SGO2: variants seen among roughly 807,000 people sequenced by gnomAD.
SGO2 encodes the protein shugoshin-like 2.
SGO2 carries 68 observed loss-of-function variants against 99.5 expected under a neutral mutation model. The observed-to-expected ratio is 0.68, with a 90% CI of 0.56 to 0.84. The LOEUF (loss-of-function observed/expected upper bound fraction) is 0.84. SGO2 is among the 40% of genes least tolerant of loss of function. SGO2 has a pLI of 0.00. For missense variants in SGO2, 1,350 were observed against 1,436.7 expected, an observed-to-expected ratio of 0.94 and a Z score of 0.97; for synonymous variants, 457 against 487.1, an observed-to-expected ratio of 0.94 and a Z score of 0.81.
intron 8 of SGO2, among the ~76,000 whole-genome samples, chr2:200,579,161 A>ACATGTAACTGATGCC (rs1318338674): frequency 6.6e-6 from 1 of 152,236 alleles, no homozygotes; most frequent in African/African-American, 2.4e-5. Flanking sequence ...TTATATATGG[A>ACATGTAACTGATGCC]CATGTAACTG....
At chr2:200,553,234 CA>C (rs1240732122) in intron 5 of SGO2, among the ~76,000 whole-genome samples, 1 of 152,114 alleles carries the variant, frequency 6.6e-6, no homozygotes, top group Non-Finnish European at 1.5e-5. Flanking sequence ...ACAAGGAGTA[CA>C]ATAGCAATAT....
chr2:200,576,566 A>T (rs2033671184), intron 8 of SGO2, among the ~76,000 whole-genome samples: 1 of 152,128 alleles, frequency 6.6e-6, no homozygotes, highest in African/African-American at 2.4e-5. Flanking sequence ...ACAGCGTGAA[A>T]CTGTCTCAAA....
chr2:200,536,028 T>G, intron 3 of SGO2, 37 bp from the exon 4 acceptor site: 1 of 1,322,970 alleles, frequency 7.6e-7, no homozygotes, highest in Non-Finnish European at 1.1e-6. Flanking sequence ...TTACAAGTCT[T>G]AACTGATTAA....
In SGO2 at chr2:200,571,466, A is replaced by C; in HGVS notation, c.1120A>C (p.Lys374Gln). The C allele has an allele frequency of 6.2e-7, 1 of 1,610,484 alleles. No individual in the cohort carries two copies. Among genetic ancestry groups the C allele is most frequent in the South Asian group, 1.1e-5 (1 of 89,892 alleles). ...GGATTTAACTGCTAGTGAAGTCAGC[A>C]AAATTGTCACAGTCTCAACAGGCAT... ...DMDLTASEVS[K>Q]IVTVSTGIKK... is the part of the protein sequence containing the mutation. The change falls in exon 7 of 9, where the codon AAA becomes CAA. Residue 374 changes from lysine (K) to glutamine (Q), a missense_variant. By Grantham distance (53) the Lys-to-Gln change is moderately conservative (BLOSUM62 1). Coordinates refer to ENST00000357799, the MANE Select transcript of SGO2 (RefSeq NM_152524.6).
In SGO2 at chr2:200,572,369, A is replaced by G. The variant is rs2033463094; in HGVS notation, c.2023A>G (p.Arg675Gly). 6.2e-7 allele frequency: 1 copy of G among 1,611,234 alleles called. No individual in the cohort carries two copies. The highest frequency in any genetic ancestry group is 8.5e-7 in the Non-Finnish European group (1 of 1,177,798). ...GCTTCAAATCCCAGCTCTTTCTACT[A>G]GAGATAATGAAAATCAATGTGACTA... ...KELQIPALST[R>G]DNENQCDYRT... Residue 675 changes from arginine (R) to glycine (G), a missense_variant, in exon 7 of 9, where the codon AGA becomes GGA. Coordinates refer to ENST00000357799, the MANE Select transcript of SGO2 (RefSeq NM_152524.6).
rs2031078501 is a variant in SGO2 at position 200,526,255 on chromosome 2, A to T, written c.-3+3A>T. 1 of 152,322 alleles carries T rather than the reference A, an allele frequency of 6.6e-6. No individual in the cohort carries two copies. Among genetic ancestry groups the T allele is most frequent in the Non-Finnish European group, 1.5e-5 (1 of 68,102 alleles). 9.4% of individuals were successfully genotyped at this position (152,322 alleles called of 1,614,324 possible). A position where few individuals can be genotyped will look rare whatever the true frequency, so the allele number is the denominator to read the frequency against. On this transcript the variant is annotated splice_donor_region_variant and intron_variant, in intron 1 of 8. Transcript: ENST00000357799. This position sits in a 1 kb window ranked among gnomAD's most constrained non-coding sequence, Gnocchi z 4.8. ...GGGTGCCCCACGCTGAAAGAGAGGT[A>T]AGTTAGTGGCCTGCGGCAGTTGACG...
In SGO2 at chr2:200,569,684, T is replaced by C; in HGVS notation, c.495T>C (p.Asp165=). 6.2e-7 allele frequency: 1 copy of C among 1,607,790 alleles called. No homozygotes were observed. Among genetic ancestry groups the C allele is most frequent in the South Asian group, 1.1e-5 (1 of 89,626 alleles). Residue 165 remains aspartate, a synonymous_variant, in exon 6 of 9, where the codon GAT becomes GAC. Transcript: ENST00000357799. The part of the protein sequence containing the change: ...PFARVPLTSN[D]DEDEDKEKMQ... ...TTAGGGTTCCATTAACTTCAAATGA[T>C]GATGAAGATGAAGATAAAGAGAAAA...
At chr2:200,552,843 G>A (rs1475218102) in intron 5 of SGO2, among the ~76,000 whole-genome samples, 1 of 152,034 alleles carries the variant, frequency 6.6e-6, no homozygotes, top group Non-Finnish European at 1.5e-5. Context: ...GACTAAGAAT[G>A]CCTTAACATC....
intron 1 of SGO2, among the ~76,000 whole-genome samples, chr2:200,530,618 G>A (rs190068948): frequency 8.5e-5 from 13 of 152,276 alleles, no homozygotes; most frequent in Middle Eastern, 3.4e-3. Flanking sequence ...GAAAGACCCC[G>A]TTAGAGGTTG....
chr2:200,577,100 G>A (rs1417715703), intron 8 of SGO2, among the ~76,000 whole-genome samples: 1 of 151,812 alleles, frequency 6.6e-6, no homozygotes, highest in African/African-American at 2.4e-5. Flanking sequence ...ATTGTTTGAG[G>A]AACTGCCAAG....
In SGO2 at chr2:200,557,444, C is replaced by T. The variant is rs959655432; in HGVS notation, c.474-12219C>T. Among the ~76,000 whole-genome samples, 9 of 152,138 alleles carry T rather than the reference C, an allele frequency of 5.9e-5. 1 individual carries two copies. The highest frequency in any genetic ancestry group is 1.2e-4 in the African/African-American group (5 of 41,424). ...ATTTCCTTTGGGTCAGGGGTCTCTT[C>T]AGTATCATCCCTTCATGGTTTGCCA... On this transcript the variant is annotated intron_variant, in intron 5 of 8. Transcript: ENST00000357799.
At position 200,572,812 on chromosome 2, in the gene SGO2, C is replaced by T; in HGVS notation, c.2466C>T (p.Thr822=). The change falls in exon 7 of 9, where the codon ACC becomes ACT. Residue 822 remains threonine (T), a synonymous_variant. Coordinates refer to ENST00000357799, the MANE Select transcript of SGO2 (RefSeq NM_152524.6). ...AAAAGTCAGAAATAATTCCTGAAAC[C>T]AACCAAATATATGAGAATGATAACA... The part of the protein sequence containing the change: ...VCQKSEIIPE[T]NQIYENDNKG... 1 of 1,611,928 alleles carries T rather than the reference C, an allele frequency of 6.2e-7. No homozygotes were observed. Among genetic ancestry groups the T allele is most frequent in the East Asian group, 2.2e-5 (1 of 44,828 alleles).
intron 5 of SGO2, among the ~76,000 whole-genome samples, chr2:200,546,394 G>C (rs2032219546): frequency 7.5e-6 from 1 of 133,324 alleles, no homozygotes; most frequent in Admixed American, 7.5e-5. Context: ...TTGCTAGGCA[G>C]ATATATTCAA....
At chr2:200,559,741 T>C (rs2032868009) in intron 5 of SGO2, among the ~76,000 whole-genome samples, 1 of 152,206 alleles carries the variant, frequency 6.6e-6, no homozygotes, top group Non-Finnish European at 1.5e-5. Context: ...CGGTTTTTGA[T>C]ATACCATATC....
rs2106346210 is a variant in SGO2 at position 200,573,057 on chromosome 2, A to G, written c.2711A>G (p.Asn904Ser). ...GCTGAGCAAAATGAATCAAAAATAA[A>G]TAAGCTCAGGAATAAAGTGAATTGG... ...KSAEQNESKINKLRNKVNWKT... is the reference protein window; with the variant it reads ...KSAEQNESKISKLRNKVNWKT... Residue 904 changes from asparagine to serine, a missense_variant, in exon 7 of 9, where the codon AAT becomes AGT. Transcript: ENST00000357799. The G allele has an allele frequency of 6.4e-7, 1 of 1,568,694 alleles. No individual in the cohort carries two copies. Among genetic ancestry groups the G allele is most frequent in the Non-Finnish European group, 8.6e-7 (1 of 1,165,826 alleles).
intron 5 of SGO2, among the ~76,000 whole-genome samples, chr2:200,563,087 C>T (rs1393467635): frequency 6.6e-6 from 1 of 152,154 alleles, no homozygotes; most frequent in Non-Finnish European, 1.5e-5. Context: ...CCAGAACTTC[C>T]AACACTATGT....
At position 200,573,285 on chromosome 2, in the gene SGO2, A is replaced by T. The variant is rs774227976; in HGVS notation, c.2939A>T (p.Tyr980Phe). 5.6e-6 allele frequency: 9 copies of T among 1,606,826 alleles called. No individual in the cohort carries two copies. The highest frequency in any genetic ancestry group is 7.6e-6 in the Non-Finnish European group (9 of 1,177,950). Residue 980 changes from tyrosine to phenylalanine, a missense_variant, in exon 7 of 9, where the codon TAC (tyrosine) becomes TTC (phenylalanine). Coordinates refer to ENST00000357799, the MANE Select transcript of SGO2 (RefSeq NM_152524.6). ...AGTTGTGATCAAATTTTAGATTCCT[A>T]CAAAGTAGTTAAAAAACGTAAGAAA... ...KESCDQILDSYKVVKKRKKES... is the reference protein window; with the variant it reads ...KESCDQILDSFKVVKKRKKES...
At chr2:200,577,566 A>G (rs2033707648) in intron 8 of SGO2, among the ~76,000 whole-genome samples, 1 of 152,224 alleles carries the variant, frequency 6.6e-6, no homozygotes, top group Non-Finnish European at 1.5e-5. Flanking sequence ...CTATTACCAA[A>G]CTATAGACTT....
intron 3 of SGO2, among the ~76,000 whole-genome samples, chr2:200,535,653 T>C (rs561117952): frequency 6.6e-6 from 1 of 152,226 alleles, no homozygotes; most frequent in African/African-American, 2.4e-5. Context: ...AGGCTGCAAC[T>C]ATAGATCTAA....
Sources: allele counts gnomAD v4.1 joint callset (sites outside exome capture counted in the v4.1 genomes callset), GRCh38; gene constraint gnomAD v4.1.1; non-coding constraint Gnocchi (gnomAD v3.1); transcripts MANE v1.5; gene names NCBI Gene and HGNC (gene_info 2026-07-23, HGNC 2026-07-21).